The following CHD5 variants were observed in gnomAD, a reference collection of about 807,000 sequenced individuals.
The protein encoded by CHD5 is ATP-dependent chromatin remodeler CHD5.
CHD5 carries 69 observed loss-of-function variants against 230.3 expected under a neutral mutation model. That is an observed-to-expected ratio of 0.30 (90% CI 0.25 to 0.37). The LOEUF (loss-of-function observed/expected upper bound fraction) is 0.37. Among genes scored for constraint, CHD5 ranks in the 10% least tolerant of loss-of-function variants. The pLI is 1.00. For missense variants in CHD5, 1,827 were observed against 2,622.8 expected (o/e 0.70, Z 6.63); for synonymous variants, 1,064 against 1,065.9 (o/e 1.00, Z 0.03).
chr1:6,112,257 T>C lies in CHD5; in HGVS notation c.5023A>G (p.Lys1675Glu). 6.2e-7 allele frequency: 1 copy of C among 1,614,144 alleles called. No homozygotes were observed. Among genetic ancestry groups the C allele is most frequent in the Non-Finnish European group, 8.5e-7 (1 of 1,180,024 alleles). Residue 1675 changes from lysine (K) to glutamate (E), a missense_variant, in exon 35 of 42, where the codon AAG becomes GAG. Transcript: ENST00000262450. ...TTTTGCTGTGTTTCAATGGGCTCCTTCTCCTCAGCCTTGGTGTCATCTGCC... is the reference window on the plus strand; with the variant it reads ...TTTTGCTGTGTTTCAATGGGCTCCTCCTCCTCAGCCTTGGTGTCATCTGCC... ...LRPDDTKAEE[K>E]EPIETQQNGD... is the part of the protein sequence containing the mutation.
At position 6,106,753 on chromosome 1, in the gene CHD5, T is replaced by G; in HGVS notation, c.5605A>C (p.Ser1869Arg). ...CGGGTCACGTCGGCCTTCATGTCGC[T>G]CAGCAGCTCCTCCAGCTGGTTCAGG... ...KVLNQLEELL[S>R]DMKADVTRLP... is the part of the protein sequence containing the mutation. The change falls in exon 39 of 42, where the codon AGC (serine) becomes CGC (arginine). Residue 1869 changes from serine to arginine, a missense_variant. Coordinates refer to ENST00000262450, the MANE Select transcript of CHD5 (RefSeq NM_015557.3). 6.2e-7 allele frequency: 1 copy of G among 1,611,026 alleles called. No homozygotes were observed. The highest frequency in any genetic ancestry group is 8.5e-7 in the Non-Finnish European group (1 of 1,179,490).
rs965953451 is a variant in CHD5, at chr1:6,136,797, G to A, written c.2505C>T (p.Ile835=). 1.2e-6 allele frequency: 2 copies of A among 1,613,938 alleles called. No individual in the cohort carries two copies. Among genetic ancestry groups the A allele is most frequent in the Non-Finnish European group, 1.7e-6 (2 of 1,179,842 alleles). The change falls in exon 16 of 42, where the codon ATC becomes ATT. Residue 835 remains isoleucine, a synonymous_variant. Transcript: ENST00000262450. ...SYELITIDQA[I]LGSIEWACLV... Reference sequence around the variant, plus strand: ...GGCAGGCCCACTCGATGGAGCCCAGGATGGCCTGGTCAATGGTGATGAGCT... The same window carrying A: ...GGCAGGCCCACTCGATGGAGCCCAGAATGGCCTGGTCAATGGTGATGAGCT...
Position 6,123,950 on chromosome 1 carries a change from G to C in CHD5, c.4697C>G (p.Pro1566Arg). The change falls in exon 31 of 42, where the codon CCA becomes CGA. Residue 1566 changes from proline (P) to arginine (R), a missense_variant and splice_region_variant. Pro to Arg is a moderately radical substitution (Grantham distance 103, BLOSUM62 -2). Coordinates refer to ENST00000262450, the MANE Select transcript of CHD5 (RefSeq NM_015557.3). ...AHLLPAPLGL[P>R]DKMEAQLGYM... ...CCCGGCCCGCCCAGCCCACAGACCT[G>C]GCAGGCCCAGCGGGGCTGGCAGGAG... is the stretch of plus-strand genomic sequence containing the variant. 3.2e-6 allele frequency: 5 copies of C among 1,553,124 alleles called. No individual in the cohort carries two copies. Among genetic ancestry groups the C allele is most frequent in the Non-Finnish European group, 4.3e-6 (5 of 1,153,160 alleles).
rs1039342625 is a variant in CHD5, at chr1:6,121,830, G to A, written c.4700-257C>T. Among the ~76,000 whole-genome samples the A allele has an allele frequency of 6.6e-6, 1 of 152,196 alleles. No individual in the cohort carries two copies. The highest frequency in any genetic ancestry group is 2.4e-5 in the African/African-American group (1 of 41,442). ...GGCTGTCAGGACGGGGCCGCACACA[G>A]CCGTGGCTGCTCATCTGGAGGCAGG... On this transcript the variant is annotated intron_variant, in intron 31 of 41. Transcript: ENST00000262450. The surrounding 1 kb of genome is among the most constrained non-coding windows in gnomAD (Gnocchi z 4.5).
Position 6,109,953 on chromosome 1 carries a change from C to G in CHD5, c.5420G>C (p.Arg1807Pro). ...CGTCATGTTCAGGTACGCGGCCCTC[C>G]GGAGCTGCTCCTCAATGACCAACGC... ...EQALVIEEQL[R>P]RAAYLNMTQD... is the part of the protein sequence containing the mutation. Residue 1807 changes from arginine to proline, a missense_variant, in exon 38 of 42, where the codon CGG becomes CCG. Physicochemically the swap from Arg to Pro is moderately radical, Grantham distance 103. This residue lies in a region of CHD5 where 208 missense variants were observed against 302.0 expected (regional missense o/e 0.69). Coordinates refer to ENST00000262450, the MANE Select transcript of CHD5 (RefSeq NM_015557.3). 6.3e-7 allele frequency: 1 copy of G among 1,576,060 alleles called. No individual in the cohort carries two copies. Among genetic ancestry groups the G allele is most frequent in the Non-Finnish European group, 8.6e-7 (1 of 1,162,876 alleles).
Position 6,131,897 on chromosome 1 carries a change from T to C in CHD5, c.3145-149A>G. Reference sequence around the variant, plus strand: ...CCCAGGCAGGCCCAATGCAGGACTCTGGGGAAGAACAAAGCTTCCAACCTC... The same window carrying C: ...CCCAGGCAGGCCCAATGCAGGACTCCGGGGAAGAACAAAGCTTCCAACCTC... On this transcript the variant is annotated intron_variant, in intron 20 of 41. Transcript: ENST00000262450. This position sits in a 1 kb window ranked among gnomAD's most constrained non-coding sequence, Gnocchi z 5.0. 6.6e-6 allele frequency: 4 copies of C among 609,374 alleles called. No individual in the cohort carries two copies. Among genetic ancestry groups the C allele is most frequent in the South Asian group, 4.1e-5 (2 of 49,174 alleles). 37.7% of individuals were successfully genotyped at this position (609,374 alleles called of 1,614,324 possible).
chr1:6,156,363 C>G (rs948277593), intron 3 of CHD5, among the ~76,000 whole-genome samples: 1 of 152,038 alleles, frequency 6.6e-6, no homozygotes, highest in African/African-American at 2.4e-5. Flanking sequence ...ATGCTGAAAC[C>G]CTGTCTCTAC....
Position 6,180,025 on chromosome 1 carries a change from C to A in CHD5, c.-2G>T. ...CTCGGTGCCCACTGGGCCCCGCATG[C>A]CCGGCGCGGGGAGGAGGGGAGGTGG... On this transcript the variant is annotated 5_prime_UTR_variant, in exon 1 of 42. Transcript: ENST00000262450. The A allele has an allele frequency of 7.5e-7, 1 of 1,334,320 alleles. No homozygotes were observed. Among genetic ancestry groups the A allele is most frequent in the Non-Finnish European group, 9.7e-7 (1 of 1,028,106 alleles). 82.7% of individuals were successfully genotyped at this position (1,334,320 alleles called of 1,614,324 possible).
chr1:6,138,157 C>T (rs1666773955), intron 15 of CHD5, among the ~76,000 whole-genome samples: 2 of 152,228 alleles, frequency 1.3e-5, no homozygotes, highest in Non-Finnish European at 2.9e-5. Context: ...GGAAGGATCA[C>T]TTGAGGCTAG....
At chr1:6,175,317 G>GATGA (rs1168152356) in intron 1 of CHD5, among the ~76,000 whole-genome samples, 5 of 151,448 alleles carry the variant, frequency 3.3e-5, no homozygotes, top group African/African-American at 1.2e-4. Context: ...ATGGATGGTG[G>GATGA]ATGGATGAAT....
intron 33 of CHD5, among the ~76,000 whole-genome samples, chr1:6,117,596 T>TA (rs1005046118): frequency 3.9e-4 from 59 of 152,294 alleles, no homozygotes; most frequent in African/African-American, 1.1e-3. Context: ...TTCAATAATT[T>TA]AAAAAAATCC....
chr1:6,179,848 C>G, intron 1 of CHD5, 97 bp downstream of exon 1: 1 of 491,396 alleles, frequency 2.0e-6, no homozygotes, highest in Non-Finnish European at 2.6e-6. Context: ...GGCGCCAGCC[C>G]GGCCGCGCCG....
chr1:6,136,644 G>C lies in CHD5; in HGVS notation c.2575-6C>G. The C allele has an allele frequency of 3.7e-6, 6 of 1,614,116 alleles. No individual in the cohort carries two copies. The highest frequency in any genetic ancestry group is 5.1e-6 in the Non-Finnish European group (6 of 1,180,008). On this transcript the variant is annotated splice_polypyrimidine_tract_variant and splice_region_variant and intron_variant, in intron 16 of 41. Coordinates refer to ENST00000262450, the MANE Select transcript of CHD5 (RefSeq NM_015557.3). ...CTGTTTAAGACCCTAAAAAACTGAGGGGAGGAGAGTGGGGCCTGTCAGGGG... is the reference window on the plus strand; with the variant it reads ...CTGTTTAAGACCCTAAAAAACTGAGCGGAGGAGAGTGGGGCCTGTCAGGGG...
rs1244707062 is a variant in CHD5 at position 6,160,107 on chromosome 1, AGG to A, written c.208-594_208-593del. On this transcript the variant is annotated intron_variant, in intron 2 of 41. Coordinates refer to ENST00000262450, the MANE Select transcript of CHD5 (RefSeq NM_015557.3). ...CAGCCAGAGAAGAAGAACCCCAGCC[AGG>A]GAAGGGCCCCAGCCAGGGAAGGGCC... Among the ~76,000 whole-genome samples, 21 of 135,022 alleles carry A rather than the reference AGG, an allele frequency of 1.6e-4. 1 individual carries two copies. Among genetic ancestry groups the A allele is most frequent in the African/African-American group, 5.3e-4 (17 of 32,356 alleles). 88.6% of individuals were successfully genotyped at this position (135,022 alleles called of 152,430 possible). A position where few individuals can be genotyped will look rare whatever the true frequency, so the allele number is the denominator to read the frequency against.
chr1:6,151,724 C>A (rs1039473033), intron 6 of CHD5, among the ~76,000 whole-genome samples: 2 of 152,228 alleles, frequency 1.3e-5, no homozygotes, highest in African/African-American at 4.8e-5. Context: ...CACACCTTCT[C>A]TCCATGCTCC....
At position 6,142,182 on chromosome 1, in the gene CHD5, C is replaced by T; in HGVS notation, c.2382G>A (p.Glu794=). The T allele has an allele frequency of 6.2e-7, 1 of 1,614,190 alleles. No individual in the cohort carries two copies. The highest frequency in any genetic ancestry group is 8.5e-7 in the Non-Finnish European group (1 of 1,180,026). The change falls in exon 15 of 42, where the codon GAG becomes GAA. Residue 794 remains glutamate, a synonymous_variant. Transcript: ENST00000262450. This position sits in a 1 kb window ranked among gnomAD's most constrained non-coding sequence, Gnocchi z 5.2. ...GAATGGCGTTGTCCTCAAAGGAAAA[C>T]TCGTTCTCCCGAATCACCGAGCGGC... is the stretch of plus-strand genomic sequence containing the variant. ...KESRSVIREN[E]FSFEDNAIRS... is the part of the protein sequence containing the mutation.
chr1:6,164,840 G>A (rs1303895359), intron 2 of CHD5, among the ~76,000 whole-genome samples: 1 of 152,150 alleles, frequency 6.6e-6, no homozygotes, highest in Non-Finnish European at 1.5e-5. Flanking sequence ...TCAGTAGAGA[G>A]AAGGAGAGAG....
chr1:6,106,826 G>C, intron 38 of CHD5, 47 bp from the exon 39 acceptor site: 1 of 1,537,850 alleles, frequency 6.5e-7, no homozygotes, highest in Non-Finnish European at 8.8e-7. Context: ...ATGGAGGGGT[G>C]GAGGGATGGA....
At chr1:6,123,143 C>T (rs1666496904) in intron 31 of CHD5, among the ~76,000 whole-genome samples, 1 of 151,966 alleles carries the variant, frequency 6.6e-6, no homozygotes, top group East Asian at 1.9e-4. Context: ...ATGACTGAAG[C>T]ACTGATGCAC....
Sources: allele counts gnomAD v4.1 joint callset (sites outside exome capture counted in the v4.1 genomes callset), GRCh38; gene constraint gnomAD v4.1.1; regional missense constraint gnomAD v4.1.1; non-coding constraint Gnocchi (gnomAD v3.1); transcripts MANE v1.5; gene names NCBI Gene and HGNC (gene_info 2026-07-23, HGNC 2026-07-21).